The following HNF4G variants were observed in gnomAD, a reference collection of about 807,000 sequenced individuals.
HNF4G encodes hepatocyte nuclear factor 4 gamma, also known as hepatocyte nuclear factor 4-gamma.
In HNF4G, 21 loss-of-function variants were observed where a neutral mutation model predicts 50.9. The observed-to-expected ratio is 0.41, with a 90% confidence interval of 0.29 to 0.59. The LOEUF (loss-of-function observed/expected upper bound fraction) is 0.59. HNF4G is among the 20% of genes least tolerant of loss of function. The pLI is 0.26. For synonymous variants in HNF4G, 198 were observed against 185.6 expected (o/e 1.07, Z -0.54); for missense variants, 527 against 559.4 (o/e 0.94, Z 0.58).
At chr8:75,423,039 A>G (rs1810808572) in intron 1 of HNF4G, among the ~76,000 whole-genome samples, 1 of 152,154 alleles carries the variant, frequency 6.6e-6, no homozygotes, top group African/African-American at 2.4e-5. Context: ...GCAATATTAT[A>G]TCTTCCTCTG....
chr8:75,443,485 T>C (rs1311454899), intron 1 of HNF4G, among the ~76,000 whole-genome samples: 3 of 152,194 alleles, frequency 2.0e-5, no homozygotes, highest in African/African-American at 7.2e-5. Flanking sequence ...TATTTTAGCC[T>C]CATAATGAAG....
chr8:75,443,318 C>T (rs888269412), intron 1 of HNF4G, among the ~76,000 whole-genome samples: 1 of 152,136 alleles, frequency 6.6e-6, no homozygotes, highest in Non-Finnish European at 1.5e-5. Flanking sequence ...AGACACTTAA[C>T]TATTTTAATC....
chr8:75,509,738 A>G (rs555378388), intron 2 of HNF4G, among the ~76,000 whole-genome samples: 1 of 152,172 alleles, frequency 6.6e-6, no homozygotes, highest in African/African-American at 2.4e-5. Context: ...TAATGATGTC[A>G]TAGCTGTTAT....
rs1811850034 is a variant in HNF4G, at chr8:75,461,792, AG to A, written c.-143-28296del. On this transcript the variant is annotated intron_variant, in intron 1 of 10. Transcript: ENST00000354370. ...TAATTTATAAATTAGGCATAGTAAAAGATTAACAACAATTGCTAATAATAAA... is the reference window on the plus strand; with the variant it reads ...TAATTTATAAATTAGGCATAGTAAAAATTAACAACAATTGCTAATAATAAA... 4.0e-5 allele frequency among the ~76,000 whole-genome samples: 6 copies of A among 151,784 alleles called. No individual in the cohort carries two copies. In the South Asian group the frequency reaches 1.2e-3, roughly 31 times the overall value.
chr8:75,562,165 A>G (rs1008576791), intron 9 of HNF4G, among the ~76,000 whole-genome samples: 4 of 152,002 alleles, frequency 2.6e-5, no homozygotes, highest in Non-Finnish European at 5.9e-5. Context: ...TGTTGTATGC[A>G]ATGTAACAAC....
chr8:75,434,006 T>C (rs1196396662), intron 1 of HNF4G, among the ~76,000 whole-genome samples: 2 of 148,108 alleles, frequency 1.4e-5, no homozygotes, highest in Non-Finnish European at 3.0e-5. Context: ...TCTTTTCTTT[T>C]TTTTTTTTTT....
At chr8:75,451,929 A>T (rs1343692579) in intron 1 of HNF4G, among the ~76,000 whole-genome samples, 1 of 152,200 alleles carries the variant, frequency 6.6e-6, no homozygotes, top group African/African-American at 2.4e-5. Context: ...GGAAGGAGTG[A>T]GCATGGAAGA....
At chr8:75,556,135 G>A (rs1807116314) in intron 6 of HNF4G, 66 bp downstream of exon 6, 1 of 828,022 alleles carries the variant, frequency 1.2e-6, no homozygotes, top group African/African-American at 1.8e-5. Flanking sequence ...ATTATACAGG[G>A]TCTGTTCTGT....
chr8:75,533,170 AT>A (rs1183362508), intron 2 of HNF4G, among the ~76,000 whole-genome samples: 1 of 152,052 alleles, frequency 6.6e-6, no homozygotes, highest in Non-Finnish European at 1.5e-5. Flanking sequence ...TTCAGTAAGT[AT>A]TTGTGGAGCA....
intron 1 of HNF4G, among the ~76,000 whole-genome samples, chr8:75,488,233 T>C (rs1255205339): frequency 6.6e-6 from 1 of 152,144 alleles, no homozygotes; most frequent in Non-Finnish European, 1.5e-5. Flanking sequence ...TTGTTAAATG[T>C]AATTTGACAA....
At chr8:75,423,040 T>G (rs997379524) in intron 1 of HNF4G, among the ~76,000 whole-genome samples, 1 of 152,168 alleles carries the variant, frequency 6.6e-6, no homozygotes, top group African/African-American at 2.4e-5. Context: ...CAATATTATA[T>G]CTTCCTCTGT....
At chr8:75,519,790 T>C (rs1210948050) in intron 2 of HNF4G, among the ~76,000 whole-genome samples, 2 of 151,996 alleles carry the variant, frequency 1.3e-5, no homozygotes, top group Non-Finnish European at 2.9e-5. Context: ...GTTTACGTCT[T>C]TGTATTTAAA....
intron 2 of HNF4G, among the ~76,000 whole-genome samples, chr8:75,546,319 A>C (rs1202905468): frequency 1.3e-5 from 2 of 152,138 alleles, no homozygotes; most frequent in Admixed American, 1.3e-4. Flanking sequence ...AGTTCTGCTG[A>C]GAGTCAATGG....
chr8:75,551,038 G>A (rs1016283066), intron 3 of HNF4G, among the ~76,000 whole-genome samples: 1 of 152,082 alleles, frequency 6.6e-6, no homozygotes, highest in East Asian at 1.9e-4. Context: ...CTTTGACCTG[G>A]TCAATCTTAT....
chr8:75,493,345 T>A (rs1812679928), intron 2 of HNF4G, among the ~76,000 whole-genome samples: 1 of 152,130 alleles, frequency 6.6e-6, no homozygotes. Flanking sequence ...TCCTGAAGAG[T>A]GCTTAGAAAA....
intron 1 of HNF4G, among the ~76,000 whole-genome samples, chr8:75,422,166 A>C (rs149125727): frequency 6.6e-6 from 1 of 152,300 alleles, no homozygotes; most frequent in Non-Finnish European, 1.5e-5. Flanking sequence ...GGAAATAGGA[A>C]GGTATTTTAC....
intron 8 of HNF4G, among the ~76,000 whole-genome samples, chr8:75,559,524 G>A (rs981145681): frequency 3.3e-5 from 5 of 151,734 alleles, no homozygotes; most frequent in African/African-American, 7.3e-5. Context: ...TGCCAGCCTC[G>A]GCCTCCCAAA....
intron 1 of HNF4G, among the ~76,000 whole-genome samples, chr8:75,415,647 A>G (rs970519901): frequency 6.6e-6 from 1 of 152,214 alleles, no homozygotes; most frequent in African/African-American, 2.4e-5. Flanking sequence ...TTCCCCCTGG[A>G]TCAATTTGCT....
chr8:75,531,347 A>G (rs574410949), intron 2 of HNF4G, among the ~76,000 whole-genome samples: 1 of 152,304 alleles, frequency 6.6e-6, no homozygotes, highest in African/African-American at 2.4e-5. Context: ...ACATATGGTA[A>G]AACTCAATTC....
Sources: gnomAD v4.1 joint callset for allele counts (sites outside exome capture counted in the v4.1 genomes callset) on GRCh38, gnomAD v4.1.1 for gene constraint, MANE v1.5 for transcripts, NCBI Gene and HGNC (gene_info 2026-07-23, HGNC 2026-07-21) for gene names.